Variants in PARD3B observed in about 807,000 individuals in gnomAD.
PARD3B encodes partitioning defective 3 homolog B.
In PARD3B, 103 loss-of-function variants were observed where a neutral mutation model predicts 130.2. The ratio of observed to expected loss-of-function variants is 0.79; its 90% CI spans 0.67 to 0.93. PARD3B has a LOEUF of 0.93. PARD3B is among the 40% of genes least tolerant of loss of function. The pLI, the probability that PARD3B is intolerant of heterozygous loss-of-function variation, is 0.00. For synonymous variants in PARD3B, 583 were observed against 553.2 expected (o/e 1.05, Z -0.76); for missense variants, 1,609 against 1,499.2 (o/e 1.07, Z -1.21).
At chr2:205,022,102 A>C (rs1649041742) in intron 3 of PARD3B, among the ~76,000 whole-genome samples, 1 of 152,202 alleles carries the variant, frequency 6.6e-6, no homozygotes, top group Non-Finnish European at 1.5e-5. Context: ...TAGATGATAA[A>C]AATCTAATGA....
intron 20 of PARD3B, among the ~76,000 whole-genome samples, chr2:205,449,881 TA>T (rs2048038901): frequency 6.6e-6 from 1 of 152,190 alleles, no homozygotes; most frequent in African/African-American, 2.4e-5. Context: ...AACTATCTCA[TA>T]AACAAATAAT....
intron 22 of PARD3B, among the ~76,000 whole-genome samples, chr2:205,608,481 A>G (rs906994647): frequency 6.6e-6 from 1 of 152,306 alleles, no homozygotes. Flanking sequence ...AATGATATGC[A>G]GGTATCGTTC....
intron 5 of PARD3B, among the ~76,000 whole-genome samples, chr2:205,110,364 T>G (rs1703543270): frequency 6.6e-6 from 1 of 152,216 alleles, no homozygotes; most frequent in African/African-American, 2.4e-5. Context: ...AGTCTCATTT[T>G]TAGACCACTG....
rs1430561385 is a variant in PARD3B, at chr2:205,550,916, TATA to T, written c.3181-2405_3181-2403del. 1.3e-4 allele frequency among the ~76,000 whole-genome samples: 17 copies of T among 130,116 alleles called. No individual in the cohort carries two copies. The highest frequency in any genetic ancestry group is 2.0e-4 in the Non-Finnish European group (12 of 61,120). 85.4% of individuals were successfully genotyped at this position (130,116 alleles called of 152,430 possible). The stretch of plus-strand genomic sequence containing the variant: ...TATACATAATCATGTTATAAATACA[TATA>T]ATTATGTGTGTGTGTGTGTGTGTAT... On this transcript the variant is annotated intron_variant, in intron 21 of 22. Transcript: ENST00000406610. This position sits in a 1 kb window ranked among gnomAD's most constrained non-coding sequence, Gnocchi z 4.5.
At chr2:204,994,707 G>A (rs1693994124) in intron 3 of PARD3B, among the ~76,000 whole-genome samples, 1 of 149,480 alleles carries the variant, frequency 6.7e-6, no homozygotes, top group East Asian at 2.0e-4. Context: ...ATTAATGTGT[G>A]GGAGTCTAAG....
chr2:205,067,835 C>T (rs1306285644), intron 4 of PARD3B, among the ~76,000 whole-genome samples: 2 of 152,150 alleles, frequency 1.3e-5, no homozygotes, highest in Non-Finnish European at 2.9e-5. Context: ...ACTCAGCCTT[C>T]CTTTCATTTC....
At chr2:204,552,586 AG>A (rs1448271429) in intron 1 of PARD3B, among the ~76,000 whole-genome samples, 6 of 152,186 alleles carry the variant, frequency 3.9e-5, no homozygotes, top group African/African-American at 1.4e-4. Context: ...GCCAATGTCT[AG>A]AAGGGTTTTT....
At chr2:205,519,141 G>A (rs1479230658) in intron 21 of PARD3B, among the ~76,000 whole-genome samples, 2 of 152,184 alleles carry the variant, frequency 1.3e-5, no homozygotes, top group East Asian at 1.9e-4. Context: ...TGTCTAGCAA[G>A]GTTGGGGAAG....
intron 13 of PARD3B, among the ~76,000 whole-genome samples, chr2:205,181,117 T>C (rs1386426175): frequency 2.0e-5 from 3 of 152,160 alleles, no homozygotes; most frequent in Non-Finnish European, 4.4e-5. Context: ...TGCCCCCAAA[T>C]CTGCCCAGCA....
At chr2:204,604,349 C>T (rs1210281686) in intron 1 of PARD3B, among the ~76,000 whole-genome samples, 1 of 152,124 alleles carries the variant, frequency 6.6e-6, no homozygotes, top group African/African-American at 2.4e-5. Flanking sequence ...ATTATTAGCT[C>T]AGTAAGAAAA....
rs369086658 is a variant in PARD3B at position 204,665,925 on chromosome 2, G to C, written c.121-20256G>C. On this transcript the variant is annotated intron_variant, in intron 1 of 22. Transcript: ENST00000406610. The stretch of plus-strand genomic sequence containing the variant: ...TTGTCCTCTCACAGAGTATAAAGCT[G>C]TTCAGTAACTATTTATGGAATGATG... 3.9e-5 allele frequency among the ~76,000 whole-genome samples: 6 copies of C among 152,306 alleles called. No individual in the cohort carries two copies. In the South Asian group the frequency reaches 1.2e-3, roughly 32 times the overall value.
intron 2 of PARD3B, among the ~76,000 whole-genome samples, chr2:204,802,978 T>C (rs2125504124): frequency 7.1e-6 from 1 of 141,778 alleles, no homozygotes; most frequent in Non-Finnish European, 1.5e-5. Flanking sequence ...TCCCAGAAAC[T>C]AAAGTATAAT....
intron 16 of PARD3B, among the ~76,000 whole-genome samples, chr2:205,283,790 C>G (rs1207423): frequency 0.099 from 15,020 of 152,216 alleles, 946 homozygotes; most frequent in South Asian, 0.21. Context: ...AATACATTCA[C>G]ATTGTTGTGC....
chr2:204,860,434 G>A (rs78792125), intron 2 of PARD3B, among the ~76,000 whole-genome samples: 4,525 of 152,280 alleles, frequency 0.03, 194 homozygotes, highest in African/African-American at 0.091. Context: ...AGATGGTACC[G>A]CAGGATGGAG....
Position 205,122,722 on chromosome 2 carries a change from TG to T in PARD3B, c.1165+775del, listed in dbSNP as rs2030895461. On this transcript the variant is annotated intron_variant, in intron 8 of 22. Coordinates refer to ENST00000406610, the MANE Select transcript of PARD3B (RefSeq NM_001302769.2). The surrounding 1 kb of genome is among the most constrained non-coding windows in gnomAD (Gnocchi z 4.3). Reference sequence around the variant, plus strand: ...CTTGTCTGAATTAATAGAGAATTTATGGTCAAAAGGTAGTTTTAGAAAAACT... The same window carrying T: ...CTTGTCTGAATTAATAGAGAATTTATGTCAAAAGGTAGTTTTAGAAAAACT... Among the ~76,000 whole-genome samples the T allele has an allele frequency of 6.6e-6, 1 of 152,238 alleles. No homozygotes were observed. The highest frequency in any genetic ancestry group is 6.5e-5 in the Admixed American group (1 of 15,286).
At chr2:205,608,428 T>G (rs545959239) in intron 22 of PARD3B, among the ~76,000 whole-genome samples, 1 of 152,254 alleles carries the variant, frequency 6.6e-6, no homozygotes, top group Non-Finnish European at 1.5e-5. Context: ...GTTGCCATTC[T>G]CTTTAAACAA....
intron 2 of PARD3B, among the ~76,000 whole-genome samples, chr2:204,873,997 G>A (rs2045739450): frequency 6.6e-6 from 1 of 152,004 alleles, no homozygotes; most frequent in Non-Finnish European, 1.5e-5. Context: ...ACAAAAATAA[G>A]CTGGGCATGG....
At chr2:205,168,297 G>GAC in intron 11 of PARD3B, among the ~76,000 whole-genome samples, 1 of 112,900 alleles carries the variant, frequency 8.9e-6, no homozygotes. Context: ...GGGAGAGAGA[G>GAC]AGAGAGAGAG....
chr2:204,669,646 G>A lies in PARD3B; in HGVS notation c.121-16535G>A, dbSNP rs1178855555. ...CTTGGTTGCAATAAATGTCCATACT[G>A]TCTATTGGTTTTCAACTTTTGGAAT... On this transcript the variant is annotated intron_variant, in intron 1 of 22. Transcript: ENST00000406610. The surrounding 1 kb of genome is among the most constrained non-coding windows in gnomAD (Gnocchi z 4.3). Among the ~76,000 whole-genome samples the A allele has an allele frequency of 6.6e-6, 1 of 152,104 alleles. No individual in the cohort carries two copies. The highest frequency in any genetic ancestry group is 1.5e-5 in the Non-Finnish European group (1 of 68,002).
Sources: allele counts gnomAD v4.1 joint callset (sites outside exome capture counted in the v4.1 genomes callset), GRCh38; gene constraint gnomAD v4.1.1; non-coding constraint Gnocchi (gnomAD v3.1); transcripts MANE v1.5; gene names NCBI Gene and HGNC (gene_info 2026-07-23, HGNC 2026-07-21).